The following CRPPA variants were observed in gnomAD, a reference collection of about 807,000 sequenced individuals.
CRPPA encodes the protein D-ribitol-5-phosphate cytidylyltransferase.
A neutral mutation model predicts 52.0 loss-of-function variants in CRPPA; 43 were observed. That is an observed-to-expected ratio of 0.83 (90% CI 0.65 to 1.07). CRPPA has a LOEUF of 1.07. Ranked by LOEUF, CRPPA falls within the 50% of genes least tolerant of loss-of-function variation. The probability of loss-of-function intolerance (pLI) is 0.00; values close to 1 mark genes in which losing one functional copy is unlikely to be tolerated. For synonymous variants in CRPPA, 250 were observed against 203.5 expected, an observed-to-expected ratio of 1.23 and a Z score of -1.94; for missense variants, 629 against 551.7, an observed-to-expected ratio of 1.14 and a Z score of -1.40.
rs6947755 is a variant in CRPPA, at chr7:16,199,428, G to A, written c.1251+16638C>T. ...CAAAAACCTTAATTTAAAAAAATCT[G>A]TATCAAAGAATAAAATTTTCCCAAT... On this transcript the variant is annotated intron_variant, in intron 9 of 9. Coordinates refer to ENST00000407010, the MANE Select transcript of CRPPA (RefSeq NM_001101426.4). 5.4e-3 allele frequency among the ~76,000 whole-genome samples: 827 copies of A among 152,026 alleles called. 8 individuals are homozygous for A. The highest frequency in any genetic ancestry group is 0.026 in the East Asian group (132 of 5,170).
At position 16,089,369 on chromosome 7, in the gene CRPPA, T is replaced by TCTAC. The variant is rs1562496549; in HGVS notation, c.*2325_*2326insGTAG. 1 of 243,112 alleles carries TCTAC rather than the reference T, an allele frequency of 4.1e-6. No individual in the cohort carries two copies. Among genetic ancestry groups the TCTAC allele is most frequent in the African/African-American group, 3.7e-5 (1 of 26,774 alleles). 15.1% of individuals were successfully genotyped at this position (243,112 alleles called of 1,614,324 possible). ...GTACGTATATACATACATACATGCATGTACATATATACGTATATATGTATG... is the reference window on the plus strand; with the variant it reads ...GTACGTATATACATACATACATGCATCTACGTACATATATACGTATATATGTATG... On this transcript the variant is annotated 3_prime_UTR_variant, in exon 10 of 10. Transcript: ENST00000407010.
intron 9 of CRPPA, among the ~76,000 whole-genome samples, chr7:16,093,111 T>C (rs1781868344): frequency 6.6e-6 from 1 of 152,204 alleles, no homozygotes; most frequent in South Asian, 2.1e-4. Flanking sequence ...CCGAATTTTA[T>C]AGTCTTTTTT....
At chr7:16,253,863 T>A (rs1783533282) in intron 8 of CRPPA, among the ~76,000 whole-genome samples, 1 of 152,060 alleles carries the variant, frequency 6.6e-6, no homozygotes, top group Non-Finnish European at 1.5e-5. Flanking sequence ...ATATCCGGAC[T>A]CTACCAAGAA....
chr7:16,165,488 T>C (rs981568331), intron 9 of CRPPA, among the ~76,000 whole-genome samples: 1 of 152,184 alleles, frequency 6.6e-6, no homozygotes, highest in Non-Finnish European at 1.5e-5. Context: ...ACTAGGTCAA[T>C]AACAGACACA....
intron 6 of CRPPA, among the ~76,000 whole-genome samples, chr7:16,273,562 G>A (rs906243553): frequency 8.6e-5 from 13 of 151,508 alleles, no homozygotes; most frequent in Admixed American, 2.6e-4. Context: ...TTCCAGCACC[G>A]CATCCCACTG....
chr7:16,369,619 C>T (rs1786696752), intron 3 of CRPPA, among the ~76,000 whole-genome samples: 2 of 152,136 alleles, frequency 1.3e-5, no homozygotes, highest in Admixed American at 6.5e-5. Flanking sequence ...AAAGATATAT[C>T]AGGTAGTGAT....
At chr7:16,286,097 A>AAAAAAAAATATATATATATATATAT in intron 5 of CRPPA, among the ~76,000 whole-genome samples, 4 of 39,118 alleles carry the variant, frequency 1.0e-4, no homozygotes, top group East Asian at 6.2e-4. Context: ...TAAAAAAAAA[A>AAAAAAAAATATATATATATATATAT]ATATATATAT....
At chr7:16,390,872 CT>C (rs1158829980) in intron 2 of CRPPA, among the ~76,000 whole-genome samples, 1 of 152,142 alleles carries the variant, frequency 6.6e-6, no homozygotes, top group East Asian at 1.9e-4. Context: ...TTAACTAATG[CT>C]CAGCTCCTGA....
intron 2 of CRPPA, among the ~76,000 whole-genome samples, chr7:16,389,928 A>AAAAAAAAAAAAAAAAAAAAAAATATAT: frequency 6.7e-5 from 2 of 29,758 alleles, no homozygotes; most frequent in Non-Finnish European, 5.3e-5. Context: ...AAAAAAAAAA[A>AAAAAAAAAAAAAAAAAAAAAAATATAT]ATATATATAT....
chr7:16,283,223 TATAA>T (rs1784354202), intron 5 of CRPPA, among the ~76,000 whole-genome samples: 1 of 150,796 alleles, frequency 6.6e-6, no homozygotes, highest in Non-Finnish European at 1.5e-5. Context: ...TTTATATATG[TATAA>T]ATAGATAGGA....
intron 5 of CRPPA, among the ~76,000 whole-genome samples, chr7:16,295,363 C>T (rs966452241): frequency 1.6e-4 from 24 of 152,048 alleles, no homozygotes; most frequent in African/African-American, 5.8e-4. Context: ...AAAAGATTAA[C>T]TAAAGCCAGT....
intron 8 of CRPPA, among the ~76,000 whole-genome samples, chr7:16,252,098 C>A (rs183323368): frequency 1.3e-5 from 2 of 151,926 alleles, no homozygotes; most frequent in South Asian, 4.2e-4. Context: ...AGAGACTCAA[C>A]AAAAAGAAAA....
At chr7:16,160,759 T>C (rs1291009787) in intron 9 of CRPPA, among the ~76,000 whole-genome samples, 1 of 152,230 alleles carries the variant, frequency 6.6e-6, no homozygotes, top group African/African-American at 2.4e-5. Context: ...TTGCGCAGTA[T>C]GGCCATTTTC....
At chr7:16,323,826 C>CA (rs542097403) in intron 3 of CRPPA, among the ~76,000 whole-genome samples, 1 of 151,538 alleles carries the variant, frequency 6.6e-6, no homozygotes, top group Non-Finnish European at 1.5e-5. Context: ...AAACATTGTG[C>CA]AAAAAAAAGC....
At chr7:16,344,981 G>C (rs75560852) in intron 3 of CRPPA, among the ~76,000 whole-genome samples, 4,210 of 152,052 alleles carry the variant, frequency 0.028, 223 homozygotes, top group African/African-American at 0.097. Flanking sequence ...TGATGAAAAA[G>C]TGTTAATCTA....
At chr7:16,351,342 A>C (rs755481971) in intron 3 of CRPPA, among the ~76,000 whole-genome samples, 2 of 152,188 alleles carry the variant, frequency 1.3e-5, no homozygotes, top group Non-Finnish European at 2.9e-5. Flanking sequence ...TTCAGGACAT[A>C]CGCATGGGCA....
At chr7:16,301,796 A>G (rs1453092573) in intron 4 of CRPPA, among the ~76,000 whole-genome samples, 1 of 152,210 alleles carries the variant, frequency 6.6e-6, no homozygotes, top group East Asian at 1.9e-4. Context: ...GAGGTTTTAT[A>G]CTAGAGAAAA....
chr7:16,140,014 T>G (rs1056779744), intron 9 of CRPPA, among the ~76,000 whole-genome samples: 2 of 152,080 alleles, frequency 1.3e-5, no homozygotes, highest in Admixed American at 6.5e-5. Flanking sequence ...TTAATATTTC[T>G]GTTAAAAAAA....
chr7:16,215,374 C>G (rs1010513055), intron 9 of CRPPA, among the ~76,000 whole-genome samples: 2 of 152,188 alleles, frequency 1.3e-5, no homozygotes, highest in Middle Eastern at 3.2e-3. Flanking sequence ...ATTTTTAACC[C>G]TAATTCTATT....
Sources: allele counts gnomAD v4.1 joint callset (sites outside exome capture counted in the v4.1 genomes callset), GRCh38; gene constraint gnomAD v4.1.1; transcripts MANE v1.5; gene names NCBI Gene and HGNC (gene_info 2026-07-23, HGNC 2026-07-21).